Variants in ESRRG observed in about 807,000 individuals in gnomAD.
ESRRG encodes the protein estrogen related receptor gamma.
ESRRG carries 13 observed loss-of-function variants against 44.0 expected under a neutral mutation model. That is an observed-to-expected ratio of 0.30 (90% confidence interval 0.19 to 0.47). ESRRG has a LOEUF of 0.47. Ranked by LOEUF, ESRRG falls within the 20% of genes least tolerant of loss-of-function variation. ESRRG has a pLI of 1.00. For missense variants in ESRRG, 395 were observed against 580.6 expected, an observed-to-expected ratio of 0.68 and a Z score of 3.29; for synonymous variants, 215 against 214.6, an observed-to-expected ratio of 1.00 and a Z score of -0.02.
chr1:217,009,180 C>A (rs1292038972), intron 1 of ESRRG, among the ~76,000 whole-genome samples: 2 of 152,140 alleles, frequency 1.3e-5, no homozygotes, highest in African/African-American at 4.8e-5. Context: ...TGCTTGAAAC[C>A]AGGTATTACC....
intron 2 of ESRRG, among the ~76,000 whole-genome samples, chr1:216,905,926 T>C (rs780171972): frequency 1.3e-5 from 2 of 152,116 alleles, no homozygotes; most frequent in Non-Finnish European, 2.9e-5. Context: ...AATTTTTGTA[T>C]ATTTAGTAAA....
chr1:216,707,361 T>C lies in ESRRG; in HGVS notation c.56+15883A>G, dbSNP rs549007923. On this transcript the variant is annotated intron_variant, in intron 1 of 6. Transcript: ENST00000408911. The stretch of plus-strand genomic sequence containing the variant: ...CAAAGAAAAATAATCGGGCCCACCT[T>C]TTAGCTGAAGGAACACAGGCCAGAT... 1.4e-3 allele frequency: 2,191 copies of C among 1,535,880 alleles called. 10 individuals carry two copies. Among genetic ancestry groups the C allele is most frequent in the South Asian group, 2.3e-3 (197 of 84,024 alleles).
chr1:217,039,639 G>T (rs2083490144), intron 1 of ESRRG, among the ~76,000 whole-genome samples: 1 of 152,254 alleles, frequency 6.6e-6, no homozygotes, highest in African/African-American at 2.4e-5. Context: ...GGAACCATGG[G>T]AGCCACAAGA....
chr1:216,618,969 G>C lies in ESRRG; in HGVS notation c.589+32004C>G, dbSNP rs75373981. ...GATTTACTGGCAAATACATCCACTA[G>C]AACCCTGTAGGCTTTGTCAGAATTT... is the stretch of plus-strand genomic sequence containing the variant. On this transcript the variant is annotated intron_variant, in intron 3 of 6. Transcript: ENST00000408911. Among the ~76,000 whole-genome samples the C allele has an allele frequency of 3.9e-5, 6 of 152,348 alleles. No individual in the cohort carries two copies. The East Asian group carries it at 1.2e-3, about 29-fold the overall frequency.
intron 2 of ESRRG, among the ~76,000 whole-genome samples, chr1:216,671,473 C>T (rs531806778): frequency 6.6e-6 from 1 of 152,310 alleles, no homozygotes; most frequent in Admixed American, 6.5e-5. Context: ...TGCTAGATTA[C>T]ACGAACCATC....
intron 1 of ESRRG, among the ~76,000 whole-genome samples, chr1:217,068,523 AT>A (rs35791303): frequency 6.6e-6 from 1 of 151,994 alleles, no homozygotes; most frequent in Non-Finnish European, 1.5e-5. Flanking sequence ...CTTCGGCTAT[AT>A]TTTTTTAACA....
chr1:216,698,436 G>A (rs888406432), intron 1 of ESRRG, among the ~76,000 whole-genome samples: 5 of 149,568 alleles, frequency 3.3e-5, no homozygotes, highest in African/African-American at 9.8e-5. Context: ...GGAGAACGGC[G>A]TGAACCCGGG....
chr1:216,671,427 A>T (rs1458204988), intron 2 of ESRRG, among the ~76,000 whole-genome samples: 1 of 152,170 alleles, frequency 6.6e-6, no homozygotes, highest in South Asian at 2.1e-4. Context: ...AAGGTGACAT[A>T]CCTGTCCTTC....
At position 216,610,192 on chromosome 1, in the gene ESRRG, T is replaced by C. The variant is rs944852975; in HGVS notation, c.589+40781A>G. Among the ~76,000 whole-genome samples, 7 of 150,942 alleles carry C rather than the reference T, an allele frequency of 4.6e-5. No individual in the cohort carries two copies. The South Asian group carries it at 8.4e-4, about 18-fold the overall frequency. Reference sequence around the variant, plus strand: ...TTAGGTGACCTTAAAGTGTGGATAATTGTACAAAATTCAGTGCTTTTTTTT... The same window carrying C: ...TTAGGTGACCTTAAAGTGTGGATAACTGTACAAAATTCAGTGCTTTTTTTT... On this transcript the variant is annotated intron_variant, in intron 3 of 6. Transcript: ENST00000408911.
At chr1:217,034,376 T>C (rs565247199) in intron 1 of ESRRG, among the ~76,000 whole-genome samples, 1 of 152,294 alleles carries the variant, frequency 6.6e-6, no homozygotes, top group East Asian at 1.9e-4. Flanking sequence ...TTCTGACAAC[T>C]GTTAGAGTTT....
At chr1:216,609,131 T>C (rs949682416) in intron 3 of ESRRG, among the ~76,000 whole-genome samples, 1 of 152,232 alleles carries the variant, frequency 6.6e-6, no homozygotes, top group African/African-American at 2.4e-5. Context: ...ATACCAGCTG[T>C]GCTTGTTAAT....
At chr1:216,880,304 C>CAAAAAAAAA (rs11301281) in intron 2 of ESRRG, among the ~76,000 whole-genome samples, 557 of 29,086 alleles carry the variant, frequency 0.019, 85 homozygotes, top group Middle Eastern at 0.05. Flanking sequence ...GCCTCCCTCT[C>CAAAAAAAAA]AAAAAAAAAA....
At chr1:217,089,715 C>T (rs905898786), upstream of ESRRG, 3 of 152,076 alleles carry the variant, frequency 2.0e-5, no homozygotes, top group Non-Finnish European at 4.4e-5. Flanking sequence ...GGCACGGCCC[C>T]CCGCTCTGCC....
chr1:216,856,569 T>C (rs2095945525), intron 2 of ESRRG, among the ~76,000 whole-genome samples: 1 of 152,210 alleles, frequency 6.6e-6, no homozygotes, highest in Non-Finnish European at 1.5e-5. Flanking sequence ...GTGGTGATAT[T>C]TGAAGCACAC....
chr1:216,783,177 T>C (rs929840019), intron 2 of ESRRG, among the ~76,000 whole-genome samples: 1 of 152,008 alleles, frequency 6.6e-6, no homozygotes, highest in Admixed American at 6.6e-5. Flanking sequence ...AGAAATTATT[T>C]CCTTGGTTTA....
At chr1:216,710,149 C>A (rs372785105) in intron 1 of ESRRG, among the ~76,000 whole-genome samples, 3 of 152,124 alleles carry the variant, frequency 2.0e-5, no homozygotes, top group African/African-American at 7.2e-5. Flanking sequence ...CCAGTCCTGC[C>A]GTCTTTTTAA....
chr1:216,862,944 T>G (rs2096077112), intron 2 of ESRRG: 1 of 152,198 alleles, frequency 6.6e-6, no homozygotes, highest in African/African-American at 2.4e-5. Flanking sequence ...AAAGATAAGA[T>G]TATTGTCCAT....
intron 3 of ESRRG, among the ~76,000 whole-genome samples, chr1:216,608,467 A>G (rs1291741388): frequency 6.6e-6 from 1 of 152,196 alleles, no homozygotes; most frequent in Non-Finnish European, 1.5e-5. Context: ...ACTTCTAGAC[A>G]TCTAAGACCT....
intron 2 of ESRRG, among the ~76,000 whole-genome samples, chr1:216,923,236 G>T (rs1009803175): frequency 1.3e-5 from 2 of 152,168 alleles, no homozygotes; most frequent in African/African-American, 4.8e-5. Flanking sequence ...ATGCAGCCAA[G>T]CTAATTCTGA....
Sources: gnomAD v4.1 joint callset for allele counts (sites outside exome capture counted in the v4.1 genomes callset) on GRCh38, gnomAD v4.1.1 for gene constraint, MANE v1.5 for transcripts, NCBI Gene and HGNC (gene_info 2026-07-23, HGNC 2026-07-21) for gene names.